Variants in HS3ST4 observed in about 807,000 individuals in gnomAD.
HS3ST4 encodes heparan sulfate glucosamine 3-O-sulfotransferase 4.
Under a neutral mutation model 29.2 loss-of-function variants are expected in HS3ST4, and 17 were observed. The observed-to-expected ratio is 0.58, with a 90% CI of 0.40 to 0.87. The LOEUF (loss-of-function observed/expected upper bound fraction) is 0.87, where lower values mean the gene tolerates loss of function less well. HS3ST4 is among the 40% of genes least tolerant of loss of function. The pLI, the probability that HS3ST4 is intolerant of heterozygous loss-of-function variation, is 0.00. For missense variants in HS3ST4, 627 were observed against 634.5 expected, an observed-to-expected ratio of 0.99 and a Z score of 0.13; for synonymous variants, 314 against 285.7, an observed-to-expected ratio of 1.10 and a Z score of -1.00.
At chr16:25,898,910 G>A (rs1454503236) in intron 1 of HS3ST4, among the ~76,000 whole-genome samples, 2 of 152,202 alleles carry the variant, frequency 1.3e-5, no homozygotes, top group Non-Finnish European at 2.9e-5. Flanking sequence ...CTTTAGTGCT[G>A]TTTTCATCTG....
At chr16:25,838,343 GCTCT>G (rs1356773071) in intron 1 of HS3ST4, among the ~76,000 whole-genome samples, 2 of 151,986 alleles carry the variant, frequency 1.3e-5, no homozygotes, top group South Asian at 2.1e-4. Context: ...TTTATTGCAT[GCTCT>G]CTCTCTCTTT....
chr16:25,851,744 G>A lies in HS3ST4; in HGVS notation c.734+158593G>A, dbSNP rs191841453. ...GGGCATGTCAGGAACTAATAGCCTTGAAATACACTAGACATAGCAAACAAC... is the reference window on the plus strand; with the variant it reads ...GGGCATGTCAGGAACTAATAGCCTTAAAATACACTAGACATAGCAAACAAC... On this transcript the variant is annotated intron_variant, in intron 1 of 1. Transcript: ENST00000331351. 5.1e-4 allele frequency among the ~76,000 whole-genome samples: 77 copies of A among 152,236 alleles called. 1 individual carries two copies. Among genetic ancestry groups the A allele is most frequent in the African/African-American group, 1.7e-3 (71 of 41,546 alleles).
At chr16:25,898,298 T>C (rs2141672113) in intron 1 of HS3ST4, among the ~76,000 whole-genome samples, 1 of 152,368 alleles carries the variant, frequency 6.6e-6, no homozygotes, top group Admixed American at 6.5e-5. Flanking sequence ...TTATTTTATG[T>C]GCCTGGCAGG....
At chr16:25,930,227 A>C (rs974640512) in intron 1 of HS3ST4, among the ~76,000 whole-genome samples, 8 of 152,302 alleles carry the variant, frequency 5.3e-5, no homozygotes, top group African/African-American at 1.9e-4. Context: ...CTGGTTGTGG[A>C]AATTTGCAAA....
intron 1 of HS3ST4, among the ~76,000 whole-genome samples, chr16:25,870,113 CCCTT>C (rs767233478): frequency 3.3e-5 from 5 of 151,870 alleles, no homozygotes; most frequent in Admixed American, 6.6e-5. Flanking sequence ...CATCTATCCA[CCCTT>C]CATTCATCCA....
rs573864881 is a variant in HS3ST4, at chr16:25,850,173, A to C, written c.734+157022A>C. Reference sequence around the variant, plus strand: ...CACCACCATGCCTGGCTAATTTTGTATTTTTAGTAGAGATGGAGTTTCTCC... The same window carrying C: ...CACCACCATGCCTGGCTAATTTTGTCTTTTTAGTAGAGATGGAGTTTCTCC... On this transcript the variant is annotated intron_variant, in intron 1 of 1. Coordinates refer to ENST00000331351, the MANE Select transcript of HS3ST4 (RefSeq NM_006040.3). 1.3e-5 allele frequency among the ~76,000 whole-genome samples: 2 copies of C among 151,768 alleles called. 1 individual carries two copies. Among genetic ancestry groups the C allele is most frequent in the South Asian group, 4.2e-4 (2 of 4,794 alleles).
At chr16:25,790,134 G>C (rs1966865540) in intron 1 of HS3ST4, among the ~76,000 whole-genome samples, 1 of 152,146 alleles carries the variant, frequency 6.6e-6, no homozygotes, top group African/African-American at 2.4e-5. Flanking sequence ...TTGGCTGGAT[G>C]CCATGGTTCA....
chr16:25,860,115 GA>G (rs1182295576), intron 1 of HS3ST4, among the ~76,000 whole-genome samples: 1 of 152,100 alleles, frequency 6.6e-6, no homozygotes, highest in African/African-American at 2.4e-5. Context: ...CCCATTCCTG[GA>G]AAAATTGTCT....
At chr16:25,697,590 C>A (rs754816664) in intron 1 of HS3ST4, among the ~76,000 whole-genome samples, 5 of 152,186 alleles carry the variant, frequency 3.3e-5, no homozygotes, top group Non-Finnish European at 5.9e-5. Flanking sequence ...TGGGCAGCAC[C>A]TGTGTGGTGT....
Position 25,800,809 on chromosome 16 carries a change from A to G in HS3ST4, c.734+107658A>G, listed in dbSNP as rs1966925593. 1.3e-5 allele frequency among the ~76,000 whole-genome samples: 2 copies of G among 152,136 alleles called. 1 individual carries two copies. The highest frequency in any genetic ancestry group is 4.1e-4 in the South Asian group (2 of 4,822). On this transcript the variant is annotated intron_variant, in intron 1 of 1. Transcript: ENST00000331351. ...ATTAGTGACCTTATAGGAGGGGTGC[A>G]AAGTTGCTGATTGCCTCTTCTGCCT... is the stretch of plus-strand genomic sequence containing the variant.
intron 1 of HS3ST4, among the ~76,000 whole-genome samples, chr16:25,783,395 G>A (rs745873332): frequency 7.9e-5 from 12 of 151,952 alleles, no homozygotes; most frequent in South Asian, 2.1e-4. Context: ...TTTAACAGCC[G>A]CTGCATTGAT....
chr16:25,960,674 T>C (rs946382935), intron 1 of HS3ST4, among the ~76,000 whole-genome samples: 2 of 152,226 alleles, frequency 1.3e-5, no homozygotes, highest in South Asian at 2.1e-4. Context: ...TCAGTGGTTT[T>C]ATATATCAGA....
At chr16:25,701,609 G>A (rs1365141949) in intron 1 of HS3ST4, among the ~76,000 whole-genome samples, 1 of 152,188 alleles carries the variant, frequency 6.6e-6, no homozygotes, top group African/African-American at 2.4e-5. Flanking sequence ...GGAGGGAGGT[G>A]CAGAGGGTGT....
At chr16:25,949,934 G>C (rs1968666600) in intron 1 of HS3ST4, among the ~76,000 whole-genome samples, 1 of 152,176 alleles carries the variant, frequency 6.6e-6, no homozygotes, top group Admixed American at 6.5e-5. Context: ...TGTTCAAGGA[G>C]AGAATCTTGT....
chr16:25,843,909 G>A (rs753194680), intron 1 of HS3ST4, among the ~76,000 whole-genome samples: 21 of 152,122 alleles, frequency 1.4e-4, no homozygotes, highest in Non-Finnish European at 2.8e-4. Flanking sequence ...GTTTTGAATG[G>A]CCTCTCTCAT....
intron 1 of HS3ST4, among the ~76,000 whole-genome samples, chr16:26,118,278 G>A (rs557516319): frequency 6.6e-6 from 1 of 152,260 alleles, no homozygotes; most frequent in Non-Finnish European, 1.5e-5. Context: ...TGTTGCCCAG[G>A]CTGGTCTTGA....
intron 1 of HS3ST4, among the ~76,000 whole-genome samples, chr16:26,128,363 A>G (rs962914666): frequency 6.6e-6 from 1 of 152,222 alleles, no homozygotes; most frequent in Non-Finnish European, 1.5e-5. Context: ...ATGAGGGAAT[A>G]TCTTTTAACC....
intron 1 of HS3ST4, among the ~76,000 whole-genome samples, chr16:26,063,811 C>T (rs1365497495): frequency 6.6e-6 from 1 of 152,168 alleles, no homozygotes; most frequent in Non-Finnish European, 1.5e-5. Context: ...GGGGAACATC[C>T]TAGCTGATTG....
chr16:25,810,691 T>C (rs1186845915), intron 1 of HS3ST4, among the ~76,000 whole-genome samples: 1 of 152,250 alleles, frequency 6.6e-6, no homozygotes, highest in East Asian at 1.9e-4. Context: ...GCATATAATA[T>C]GGGCTTTCAG....
Sources: gnomAD v4.1 joint callset for allele counts (sites outside exome capture counted in the v4.1 genomes callset) on GRCh38, gnomAD v4.1.1 for gene constraint, MANE v1.5 for transcripts, NCBI Gene and HGNC (gene_info 2026-07-23, HGNC 2026-07-21) for gene names.